SLC25A13: variants seen among roughly 807,000 people sequenced by gnomAD.
SLC25A13 encodes electrogenic aspartate/glutamate antiporter SLC25A13, mitochondrial.
Under a neutral mutation model 85.5 loss-of-function variants are expected in SLC25A13, and 70 were observed. The ratio of observed to expected loss-of-function variants is 0.82; its 90% confidence interval spans 0.68 to 1.00. The LOEUF is 1.00. SLC25A13 is among the 50% of genes least tolerant of loss of function. The pLI is 0.00. For missense variants in SLC25A13, 765 were observed against 819.8 expected, an observed-to-expected ratio of 0.93 and a Z score of 0.82; for synonymous variants, 259 against 288.7, an observed-to-expected ratio of 0.90 and a Z score of 1.04.
intron 4 of SLC25A13, among the ~76,000 whole-genome samples, chr7:96,209,268 C>T (rs1156434562): frequency 2.7e-5 from 4 of 150,754 alleles, no homozygotes; most frequent in African/African-American, 4.9e-5. Context: ...AAACTATTAT[C>T]ATCTCATTTG....
chr7:96,256,240 G>A (rs1797632327), intron 3 of SLC25A13, among the ~76,000 whole-genome samples: 1 of 152,052 alleles, frequency 6.6e-6, no homozygotes, highest in Admixed American at 6.5e-5. Context: ...AACCTTAAAC[G>A]GGCTAAATGC....
intron 14 of SLC25A13, among the ~76,000 whole-genome samples, chr7:96,133,592 T>C (rs1463750519): frequency 6.6e-6 from 1 of 152,226 alleles, no homozygotes; most frequent in Non-Finnish European, 1.5e-5. Context: ...CCAATCCTTT[T>C]CTTACAACTA....
chr7:96,280,759 C>T lies in SLC25A13; in HGVS notation c.70-3421G>A, dbSNP rs1328996811. ...CTACAATGCAATACCATGCCATACC[C>T]CCAAGATAACGAAAAAGAATAATAA... On this transcript the variant is annotated intron_variant, in intron 2 of 17. Coordinates refer to ENST00000265631, the MANE Select transcript of SLC25A13 (RefSeq NM_014251.3). Among the ~76,000 whole-genome samples, 3 of 151,744 alleles carry T rather than the reference C, an allele frequency of 2.0e-5. No individual in the cohort carries two copies. In the South Asian group the frequency reaches 6.3e-4, roughly 32 times the overall value.
At position 96,184,321 on chromosome 7, in the gene SLC25A13, A is replaced by C; in HGVS notation, c.1133T>G (p.Phe378Cys). The C allele has an allele frequency of 6.2e-7, 1 of 1,614,188 alleles. No individual in the cohort carries two copies. Among genetic ancestry groups the C allele is most frequent in the Non-Finnish European group, 8.5e-7 (1 of 1,180,028 alleles). Residue 378 changes from phenylalanine to cysteine, a missense_variant, in exon 11 of 18, where the codon TTT becomes TGT. Physicochemically the swap from Phe to Cys is radical, Grantham distance 205. Coordinates refer to ENST00000265631, the MANE Select transcript of SLC25A13 (RefSeq NM_014251.3). ...ELMYKNSFDC[F>C]KKVLRYEGFF... ...GCCTTCATAGCGTAGCACTTTCTTA[A>C]AACAGTCAAAGCTGTTTTTATACAT... is the stretch of plus-strand genomic sequence containing the variant.
intron 3 of SLC25A13, among the ~76,000 whole-genome samples, chr7:96,275,122 C>A (rs1433565202): frequency 6.6e-6 from 1 of 152,146 alleles, no homozygotes; most frequent in African/African-American, 2.4e-5. Flanking sequence ...GACATTGATT[C>A]TTCCTACCCA....
At chr7:96,274,942 T>C (rs962424846) in intron 3 of SLC25A13, among the ~76,000 whole-genome samples, 10 of 152,334 alleles carry the variant, frequency 6.6e-5, no homozygotes, top group East Asian at 1.9e-4. Flanking sequence ...TCAGGTAGCA[T>C]GATGCCTCCA....
intron 3 of SLC25A13, among the ~76,000 whole-genome samples, chr7:96,263,501 C>A (rs1294750635): frequency 6.6e-6 from 1 of 152,080 alleles, no homozygotes; most frequent in African/African-American, 2.4e-5. Flanking sequence ...TCCTAGGTTG[C>A]ACCAGGCCTA....
chr7:96,128,201 T>C (rs1377346705), intron 15 of SLC25A13, among the ~76,000 whole-genome samples: 1 of 152,208 alleles, frequency 6.6e-6, no homozygotes, highest in African/African-American at 2.4e-5. Flanking sequence ...AATTCTAATA[T>C]ACTTCTTAGA....
At chr7:96,153,518 C>T (rs1793130557) in intron 13 of SLC25A13, among the ~76,000 whole-genome samples, 1 of 152,242 alleles carries the variant, frequency 6.6e-6, no homozygotes, top group African/African-American at 2.4e-5. Flanking sequence ...TAGGGCTGCA[C>T]ATCTGCACTG....
intron 2 of SLC25A13, chr7:96,283,446 T>C (rs1481726711): frequency 1.6e-5 from 7 of 431,408 alleles, no homozygotes; most frequent in Admixed American, 1.4e-4. Flanking sequence ...TGGCCACATA[T>C]ATGCAAATCT....
chr7:96,291,281 T>C (rs890148406), intron 2 of SLC25A13, among the ~76,000 whole-genome samples: 1 of 152,122 alleles, frequency 6.6e-6, no homozygotes, highest in African/African-American at 2.4e-5. Flanking sequence ...TTTAAAGCAG[T>C]GTGTAGAGAG....
chr7:96,292,737 T>A (rs1799174978), intron 2 of SLC25A13, among the ~76,000 whole-genome samples: 1 of 152,144 alleles, frequency 6.6e-6, no homozygotes, highest in Non-Finnish European at 1.5e-5. Context: ...GTGAAGGACC[T>A]CTTCAAGGAG....
At chr7:96,286,941 CAAGCT>C (rs1327059143) in intron 2 of SLC25A13, among the ~76,000 whole-genome samples, 2 of 152,326 alleles carry the variant, frequency 1.3e-5, no homozygotes, top group African/African-American at 4.8e-5. Context: ...TTCCACCTCC[CAAGCT>C]AAAGAAGAAT....
chr7:96,281,406 A>AG (rs1798673044), intron 2 of SLC25A13, among the ~76,000 whole-genome samples: 1 of 152,034 alleles, frequency 6.6e-6, no homozygotes, highest in Non-Finnish European at 1.5e-5. Context: ...AAAAAAAAAA[A>AG]AAAGAATAAA....
chr7:96,269,327 T>A (rs1412356609), intron 3 of SLC25A13, among the ~76,000 whole-genome samples: 3 of 152,144 alleles, frequency 2.0e-5, no homozygotes, highest in Non-Finnish European at 4.4e-5. Flanking sequence ...GCTGGAGGTG[T>A]TAAGGCCGTA....
At chr7:96,291,392 T>C (rs1446278068) in intron 2 of SLC25A13, among the ~76,000 whole-genome samples, 4 of 151,968 alleles carry the variant, frequency 2.6e-5, no homozygotes, top group African/African-American at 4.8e-5. Context: ...AGCAAACACA[T>C]TGAAAAGCTA....
intron 2 of SLC25A13, chr7:96,283,461 GA>G: frequency 2.3e-6 from 1 of 434,074 alleles, no homozygotes; most frequent in South Asian, 1.9e-5. Flanking sequence ...AAATCTATAA[GA>G]AAGGTGATAT....
chr7:96,196,342 CTAGTTTATAACTCAACATCT>C (rs1795062024), intron 5 of SLC25A13, among the ~76,000 whole-genome samples: 3 of 152,190 alleles, frequency 2.0e-5, no homozygotes, highest in Admixed American at 2.0e-4. Context: ...ACCATTTTCC[CTAGTTTATAACTCAACATCT>C]TAGAGATCCT....
intron 3 of SLC25A13, among the ~76,000 whole-genome samples, chr7:96,244,615 G>A (rs1288454325): frequency 6.6e-6 from 1 of 152,074 alleles, no homozygotes; most frequent in Non-Finnish European, 1.5e-5. Flanking sequence ...CTAAAATCCT[G>A]TTTTCTTCCA....
Sources: allele counts gnomAD v4.1 joint callset (sites outside exome capture counted in the v4.1 genomes callset), GRCh38; gene constraint gnomAD v4.1.1; transcripts MANE v1.5; gene names NCBI Gene and HGNC (gene_info 2026-07-23, HGNC 2026-07-21).